ITGA9: variants seen among roughly 807,000 people sequenced by gnomAD.
The protein encoded by ITGA9 is integrin alpha-9.
Under a neutral mutation model 127.8 loss-of-function variants are expected in ITGA9, and 56 were observed. The observed-to-expected ratio is 0.44, with a 90% confidence interval of 0.35 to 0.55. The LOEUF is 0.55. Ranked by LOEUF, ITGA9 falls within the 20% of genes least tolerant of loss-of-function variation. The pLI is 0.00. For missense variants in ITGA9, 1,196 were observed against 1,347.1 expected (o/e 0.89, Z 1.76); for synonymous variants, 508 against 514.5 (o/e 0.99, Z 0.17).
At chr3:37,566,836 C>T (rs565076200) in intron 15 of ITGA9, among the ~76,000 whole-genome samples, 14 of 152,314 alleles carry the variant, frequency 9.2e-5, no homozygotes, top group African/African-American at 2.9e-4. Flanking sequence ...GAACATGAAC[C>T]ATGTATTCCC....
chr3:37,543,175 C>T (rs1699292488), intron 15 of ITGA9, among the ~76,000 whole-genome samples: 1 of 152,192 alleles, frequency 6.6e-6, no homozygotes, highest in African/African-American at 2.4e-5. Flanking sequence ...TTCAGGAGGC[C>T]AGGCTTTGAT....
At chr3:37,603,157 A>C (rs1699937613) in intron 15 of ITGA9, among the ~76,000 whole-genome samples, 1 of 152,136 alleles carries the variant, frequency 6.6e-6, no homozygotes, top group Admixed American at 6.5e-5. Flanking sequence ...GGCCTTATCG[A>C]ATGGGGTTTA....
chr3:37,558,343 G>A (rs1699450981), intron 15 of ITGA9, among the ~76,000 whole-genome samples: 1 of 152,152 alleles, frequency 6.6e-6, no homozygotes, highest in South Asian at 2.1e-4. Flanking sequence ...TGTGTCTGGT[G>A]GAGGGGAAAC....
At chr3:37,566,425 C>T (rs1300120633) in intron 15 of ITGA9, among the ~76,000 whole-genome samples, 2 of 152,228 alleles carry the variant, frequency 1.3e-5, no homozygotes, top group Non-Finnish European at 2.9e-5. Context: ...TGGAAAGATT[C>T]AGGTACCCTT....
At chr3:37,456,119 A>G (rs977108104) in intron 1 of ITGA9, among the ~76,000 whole-genome samples, 1 of 152,116 alleles carries the variant, frequency 6.6e-6, no homozygotes, top group Non-Finnish European at 1.5e-5. Context: ...AGCTTCTCTC[A>G]GAGTACTTGC....
chr3:37,576,179 G>T (rs1699652575), intron 15 of ITGA9, among the ~76,000 whole-genome samples: 2 of 152,188 alleles, frequency 1.3e-5, no homozygotes, highest in African/African-American at 4.8e-5. Context: ...CTCCAGGGAG[G>T]ACATAGCTGG....
chr3:37,512,563 A>G (rs901304936), intron 8 of ITGA9, among the ~76,000 whole-genome samples: 3 of 152,096 alleles, frequency 2.0e-5, no homozygotes, highest in African/African-American at 7.2e-5. Context: ...CAGCCTTTGG[A>G]AAGAATACAG....
chr3:37,452,274 G>A lies in ITGA9; in HGVS notation c.-101G>A. 1.6e-6 allele frequency: 1 copy of A among 619,578 alleles called. No homozygotes were observed. The highest frequency in any genetic ancestry group is 2.0e-6 in the Non-Finnish European group (1 of 494,656). The allele number at this position is 619,578 out of a possible 1,614,324, so 38.4% of individuals were successfully genotyped here. Reference sequence around the variant, plus strand: ...CATTCCGCCCGTGTCCAGGCGCAGAGCTCCCGCCCCGGGGAGCTTCCTGGC... The same window carrying A: ...CATTCCGCCCGTGTCCAGGCGCAGAACTCCCGCCCCGGGGAGCTTCCTGGC... On this transcript the variant is annotated 5_prime_UTR_variant, in exon 1 of 28. Coordinates refer to ENST00000264741, the MANE Select transcript of ITGA9 (RefSeq NM_002207.3). The surrounding 1 kb of genome is among the most constrained non-coding windows in gnomAD (Gnocchi z 7.3).
At chr3:37,487,433 T>C (rs1047711774) in intron 4 of ITGA9, among the ~76,000 whole-genome samples, 21 of 152,190 alleles carry the variant, frequency 1.4e-4, no homozygotes, top group Admixed American at 9.8e-4. Flanking sequence ...ATTTTAATCT[T>C]GGGCAAACCT....
At chr3:37,717,877 G>A (rs1701151251) in intron 18 of ITGA9, among the ~76,000 whole-genome samples, 1 of 152,174 alleles carries the variant, frequency 6.6e-6, no homozygotes, top group South Asian at 2.1e-4. Flanking sequence ...TTTTTAGTTA[G>A]TTGAAAGGTA....
At chr3:37,556,999 A>C (rs769753805) in intron 15 of ITGA9, among the ~76,000 whole-genome samples, 3 of 152,152 alleles carry the variant, frequency 2.0e-5, no homozygotes, top group Non-Finnish European at 4.4e-5. Context: ...CTATTGCTTG[A>C]AGGACAGTGT....
In ITGA9 at chr3:37,733,742, T is replaced by C. The variant is rs570536506; in HGVS notation, c.2154+944T>C. On this transcript the variant is annotated intron_variant, in intron 19 of 27. Transcript: ENST00000264741. ...TTGAATGCACCTCGATCTTGGACTT[T>C]CCAGCCTTCAGAACTGTGAGAAATA... Among the ~76,000 whole-genome samples the C allele has an allele frequency of 4.6e-5, 7 of 152,202 alleles. No homozygotes were observed. The Middle Eastern group carries it at 0.01, about 223-fold the overall frequency.
At chr3:37,733,432 A>G (rs1696320825) in intron 19 of ITGA9, among the ~76,000 whole-genome samples, 2 of 148,890 alleles carry the variant, frequency 1.3e-5, no homozygotes, top group Non-Finnish European at 3.0e-5. Flanking sequence ...GATTGGAGGC[A>G]AAACTAGAAT....
intron 8 of ITGA9, 21 bp from the exon 9 acceptor site, chr3:37,513,742 T>G (rs765148293): frequency 6.2e-7 from 1 of 1,614,036 alleles, no homozygotes; most frequent in Non-Finnish European, 8.5e-7. Context: ...AATGCTTTGT[T>G]GCAACTCAAC....
At chr3:37,466,105 C>T (rs574600963) in intron 1 of ITGA9, among the ~76,000 whole-genome samples, 1 of 152,154 alleles carries the variant, frequency 6.6e-6, no homozygotes, top group African/African-American at 2.4e-5. Flanking sequence ...TGAGCCTAAC[C>T]CAGCACCTGC....
At chr3:37,581,532 A>G (rs1296759403) in intron 15 of ITGA9, among the ~76,000 whole-genome samples, 8 of 152,222 alleles carry the variant, frequency 5.3e-5, no homozygotes, top group African/African-American at 1.9e-4. Flanking sequence ...TGCTGAATGC[A>G]GTGGGACAGA....
At position 37,481,580 on chromosome 3, in the gene ITGA9, G is replaced by A; in HGVS notation, c.517G>A (p.Gly173Ser). ...YIIPSNLQAK[G>S]RTLIPCYEEY... ...CATCCCCTCCAACCTCCAGGCCAAA[G>A]GCAGGACGCTGATCCCTTGCTATGA... The change falls in exon 4 of 28, where the codon GGC becomes AGC. Residue 173 changes from glycine to serine, a missense_variant. Transcript: ENST00000264741. 3 of 1,614,146 alleles carry A rather than the reference G, an allele frequency of 1.9e-6. No individual in the cohort carries two copies. Among genetic ancestry groups the A allele is most frequent in the Non-Finnish European group, 2.5e-6 (3 of 1,180,024 alleles).
intron 26 of ITGA9, among the ~76,000 whole-genome samples, chr3:37,801,056 T>G (rs1305520771): frequency 1.3e-5 from 2 of 152,156 alleles, no homozygotes; most frequent in Non-Finnish European, 2.9e-5. Context: ...TCCCAGCTTC[T>G]TGGGAGGCTC....
chr3:37,779,455 A>G (rs1175750507), intron 24 of ITGA9, among the ~76,000 whole-genome samples: 5 of 152,194 alleles, frequency 3.3e-5, no homozygotes, highest in African/African-American at 1.2e-4. Context: ...GAAGTGTCAC[A>G]TGACTTCTTA....
Sources: gnomAD v4.1 joint callset for allele counts (sites outside exome capture counted in the v4.1 genomes callset) on GRCh38, gnomAD v4.1.1 for gene constraint, Gnocchi (gnomAD v3.1) non-coding constraint, MANE v1.5 for transcripts, NCBI Gene and HGNC (gene_info 2026-07-23, HGNC 2026-07-21) for gene names.